The following SOCS5 variants were observed in gnomAD, a reference collection of about 807,000 sequenced individuals.
SOCS5 encodes suppressor of cytokine signaling 5.
In SOCS5, 32 loss-of-function variants were observed where a neutral mutation model predicts 42.8. That is an observed-to-expected ratio of 0.75 (90% CI 0.56 to 1.01). The LOEUF (loss-of-function observed/expected upper bound fraction) is 1.01, where lower values mean the gene tolerates loss of function less well. SOCS5 is among the 50% of genes least tolerant of loss of function. SOCS5 has a pLI of 0.00. For synonymous variants in SOCS5, 283 were observed against 229.6 expected, an observed-to-expected ratio of 1.23 and a Z score of -2.10; for missense variants, 627 against 653.0, an observed-to-expected ratio of 0.96 and a Z score of 0.43.
intron 1 of SOCS5, among the ~76,000 whole-genome samples, chr2:46,736,122 C>A (rs1456625654): frequency 1.3e-5 from 2 of 151,864 alleles, no homozygotes; most frequent in African/African-American, 4.8e-5. Flanking sequence ...CTCACTGCAG[C>A]CTCGACTTTC....
At chr2:46,705,239 G>A (rs1256809879) in intron 1 of SOCS5, among the ~76,000 whole-genome samples, 1 of 152,170 alleles carries the variant, frequency 6.6e-6, no homozygotes, top group Non-Finnish European at 1.5e-5. Flanking sequence ...GTTTATAGCC[G>A]GTTGGTCAGA....
At chr2:46,736,447 A>G (rs1432167249) in intron 1 of SOCS5, among the ~76,000 whole-genome samples, 2 of 151,948 alleles carry the variant, frequency 1.3e-5, no homozygotes, top group Non-Finnish European at 1.5e-5. Flanking sequence ...ATCTTCCCCA[A>G]CTGAGACTCT....
intron 1 of SOCS5, among the ~76,000 whole-genome samples, chr2:46,747,450 A>G (rs1386995462): frequency 1.3e-5 from 2 of 152,124 alleles, no homozygotes; most frequent in African/African-American, 4.8e-5. Flanking sequence ...TCCTGGGCTC[A>G]AGCAGTCTGT....
chr2:46,712,379 T>C (rs1469561214), intron 1 of SOCS5, among the ~76,000 whole-genome samples: 2 of 142,888 alleles, frequency 1.4e-5, no homozygotes, highest in Non-Finnish European at 3.1e-5. Context: ...AGTCTCGCTC[T>C]GTTGCCCAGG....
intron 1 of SOCS5, among the ~76,000 whole-genome samples, chr2:46,728,379 A>G (rs945614418): frequency 9.9e-5 from 15 of 152,182 alleles, no homozygotes; most frequent in Admixed American, 9.2e-4. Context: ...TAAGTATGAT[A>G]TTCATTTATT....
intron 1 of SOCS5, among the ~76,000 whole-genome samples, chr2:46,702,052 G>A (rs1298953756): frequency 6.6e-6 from 1 of 151,944 alleles, no homozygotes; most frequent in African/African-American, 2.4e-5. Flanking sequence ...TTAGGCAAGT[G>A]ATTTAACCAC....
At chr2:46,714,931 C>T (rs910557425) in intron 1 of SOCS5, among the ~76,000 whole-genome samples, 15 of 151,918 alleles carry the variant, frequency 9.9e-5, no homozygotes, top group Admixed American at 5.9e-4. Context: ...ATTAGTTAAT[C>T]GTGATTTGCC....
intron 1 of SOCS5, among the ~76,000 whole-genome samples, chr2:46,728,423 C>T (rs1181969314): frequency 1.3e-5 from 2 of 152,124 alleles, no homozygotes; most frequent in African/African-American, 4.8e-5. Context: ...CATTTGAGTG[C>T]TTACTATGTA....
chr2:46,709,977 G>A (rs1672580220), intron 1 of SOCS5, among the ~76,000 whole-genome samples: 1 of 151,942 alleles, frequency 6.6e-6, no homozygotes, highest in South Asian at 2.1e-4. Context: ...CAGATTTCCA[G>A]TCTCCACCCC....
intron 1 of SOCS5, among the ~76,000 whole-genome samples, chr2:46,720,342 C>G (rs1182149018): frequency 2.0e-5 from 3 of 152,144 alleles, no homozygotes; most frequent in Non-Finnish European, 2.9e-5. Flanking sequence ...TCATAGGATA[C>G]TAACATTACT....
At chr2:46,733,757 A>G (rs1320764698) in intron 1 of SOCS5, among the ~76,000 whole-genome samples, 1 of 152,146 alleles carries the variant, frequency 6.6e-6, no homozygotes, top group Non-Finnish European at 1.5e-5. Context: ...AAAAATCAGT[A>G]TTTTCCCACA....
chr2:46,729,820 A>T (rs1673075544), intron 1 of SOCS5, among the ~76,000 whole-genome samples: 1 of 152,160 alleles, frequency 6.6e-6, no homozygotes, highest in South Asian at 2.1e-4. Context: ...AGCTTCCTTT[A>T]ACTTTTTTAC....
At chr2:46,727,105 C>T (rs781738215) in intron 1 of SOCS5, among the ~76,000 whole-genome samples, 5 of 149,252 alleles carry the variant, frequency 3.4e-5, no homozygotes, top group African/African-American at 1.2e-4. Context: ...TTTGTTGAGA[C>T]CAATTTGTTT....
At chr2:46,732,268 C>T (rs139658694) in intron 1 of SOCS5, among the ~76,000 whole-genome samples, 267 of 152,266 alleles carry the variant, frequency 1.8e-3, no homozygotes, top group Admixed American at 5.0e-3. Flanking sequence ...ATTCCGAGAG[C>T]ACACCACTGG....
intron 1 of SOCS5, among the ~76,000 whole-genome samples, chr2:46,727,690 C>G (rs577844585): frequency 1.3e-5 from 2 of 152,192 alleles, no homozygotes; most frequent in South Asian, 4.1e-4. Flanking sequence ...TAGTTCAGTT[C>G]TCATAGTTTT....
chr2:46,713,825 A>G (rs1017186443), intron 1 of SOCS5, among the ~76,000 whole-genome samples: 2 of 152,328 alleles, frequency 1.3e-5, no homozygotes, highest in Admixed American at 6.5e-5. Context: ...CTTTAGCTGC[A>G]TCCCACAGAT....
At chr2:46,725,255 TATTTGA>T (rs1055927309) in intron 1 of SOCS5, among the ~76,000 whole-genome samples, 3 of 152,116 alleles carry the variant, frequency 2.0e-5, no homozygotes, top group African/African-American at 7.2e-5. Context: ...TATCTCATCA[TATTTGA>T]AATAAATTTC....
chr2:46,734,461 A>T (rs1673197658), intron 1 of SOCS5, among the ~76,000 whole-genome samples: 2 of 152,188 alleles, frequency 1.3e-5, no homozygotes, highest in Non-Finnish European at 2.9e-5. Context: ...TTATTGATAG[A>T]TGGTTACAGT....
Position 46,759,862 on chromosome 2 carries a change from G to A in SOCS5, c.1332G>A (p.Pro444=). The A allele has an allele frequency of 1.9e-6, 3 of 1,614,096 alleles. No homozygotes were observed. Among genetic ancestry groups the A allele is most frequent in the Non-Finnish European group, 2.5e-6 (3 of 1,180,016 alleles). ...NHNFSFDAHD[P]CVFHSSTVTG... is the part of the protein sequence containing the mutation. ...ACTTTAGTTTCGACGCCCATGACCC[G>A]TGTGTATTTCACTCCTCCACTGTAA... The change falls in exon 2 of 2, where the codon CCG becomes CCA. Residue 444 remains proline (P), a synonymous_variant. Coordinates refer to ENST00000394861, the MANE Select transcript of SOCS5 (RefSeq NM_144949.3).
Sources: allele counts gnomAD v4.1 joint callset (sites outside exome capture counted in the v4.1 genomes callset), GRCh38; gene constraint gnomAD v4.1.1; transcripts MANE v1.5; gene names NCBI Gene and HGNC (gene_info 2026-07-23, HGNC 2026-07-21).